KLF8: variants seen among roughly 807,000 people sequenced by gnomAD.
KLF8 encodes Krueppel-like factor 8.
KLF8 carries 10 observed loss-of-function variants against 18.2 expected under a neutral mutation model. That is an observed-to-expected ratio of 0.55 (90% CI 0.34 to 0.93). The LOEUF (loss-of-function observed/expected upper bound fraction) is 0.93, where lower values mean the gene tolerates loss of function less well. Ranked by LOEUF, KLF8 falls within the 40% of genes least tolerant of loss-of-function variation. The probability of loss-of-function intolerance (pLI) is 0.02; values close to 1 mark genes in which losing one functional copy is unlikely to be tolerated. For synonymous variants in KLF8, 109 were observed against 97.3 expected, an observed-to-expected ratio of 1.12 and a Z score of -0.71; for missense variants, 264 against 277.9, an observed-to-expected ratio of 0.95 and a Z score of 0.36.
chrX:56,097,104 A>C, the KLF8 span, among the ~76,000 whole-genome samples: 2 of 111,890 alleles, frequency 1.8e-5, no homozygotes, highest in East Asian at 5.6e-4. Context: ...ATTATACTAC[A>C]CAAACAACTG....
At chrX:56,122,093 C>T in the KLF8 span, among the ~76,000 whole-genome samples, 1 of 111,637 alleles carries the variant, frequency 9.0e-6, no homozygotes, top group African/African-American at 3.3e-5. Flanking sequence ...ATGAAACACT[C>T]ACTAGGACAT....
chrX:55,928,676 C>T, the KLF8 span, among the ~76,000 whole-genome samples: 1 of 111,772 alleles, frequency 8.9e-6, no homozygotes, highest in Non-Finnish European at 1.9e-5. Flanking sequence ...TGGCTTCATC[C>T]ATGTCCCTGC....
chrX:56,142,752 C>G, the KLF8 span, among the ~76,000 whole-genome samples: 2 of 111,693 alleles, frequency 1.8e-5, no homozygotes, highest in African/African-American at 6.5e-5. Flanking sequence ...ACAATTCCAT[C>G]TTTTCATTTG....
At chrX:55,951,736 A>G in the KLF8 span, among the ~76,000 whole-genome samples, 1 of 109,538 alleles carries the variant, frequency 9.1e-6, no homozygotes, top group Admixed American at 9.8e-5. Context: ...TCTGGTAAAT[A>G]TATATATATA....
the KLF8 span, among the ~76,000 whole-genome samples, chrX:56,093,196 C>T: frequency 1.8e-5 from 2 of 111,064 alleles, no homozygotes; most frequent in Non-Finnish European, 3.8e-5. Flanking sequence ...ATCCAGGTAG[C>T]TCTTAGAACA....
the KLF8 span, among the ~76,000 whole-genome samples, chrX:56,050,762 T>G: frequency 3.6e-5 from 4 of 111,713 alleles, no homozygotes; most frequent in African/African-American, 6.5e-5. Context: ...GTGGTGGAGT[T>G]TTCTGTAGAT....
chrX:56,193,715 A>T, the KLF8 span, among the ~76,000 whole-genome samples: 53 of 112,144 alleles, frequency 4.7e-4, no homozygotes, highest in South Asian at 1.5e-3. Flanking sequence ...TAAGCCAAGC[A>T]CAGAAACACA....
the KLF8 span, among the ~76,000 whole-genome samples, chrX:56,124,240 C>T: frequency 2.7e-5 from 3 of 111,466 alleles, no homozygotes; most frequent in African/African-American, 6.5e-5. Flanking sequence ...CTTACATTTC[C>T]CCACTAGAAT....
At chrX:56,261,294 T>C (rs999175431) in intron 2 of KLF8, among the ~76,000 whole-genome samples, 1 of 111,772 alleles carries the variant, frequency 8.9e-6, no homozygotes, top group South Asian at 3.7e-4. Context: ...AGTTTCTTTG[T>C]TTTCTTTCAT....
chrX:55,937,036 C>T, the KLF8 span, among the ~76,000 whole-genome samples: 1 of 111,488 alleles, frequency 9.0e-6, no homozygotes, highest in African/African-American at 3.3e-5. Context: ...GTGGCTCTCC[C>T]AGCATGCAGC....
At chrX:56,066,116 C>T in the KLF8 span, among the ~76,000 whole-genome samples, 1 of 111,852 alleles carries the variant, frequency 8.9e-6, no homozygotes, top group South Asian at 3.7e-4. Context: ...AAGGGCAGAA[C>T]AACACTCTGG....
the KLF8 span, among the ~76,000 whole-genome samples, chrX:56,008,137 T>TATATATATATATATATATAC: frequency 6.6e-5 from 7 of 106,447 alleles, no homozygotes; most frequent in African/African-American, 2.5e-4. Flanking sequence ...TATATATATA[T>TATATATATATATATATATAC]ACACACACAA....
At chrX:56,121,110 C>T in the KLF8 span, among the ~76,000 whole-genome samples, 4 of 101,136 alleles carry the variant, frequency 4.0e-5, no homozygotes, top group Admixed American at 1.1e-4. Context: ...GGCGTGAACC[C>T]GGGAGGCGGA....
rs975851064 is a variant in KLF8 at position 56,284,645 on chromosome X, T to C, written c.*151T>C. On this transcript the variant is annotated 3_prime_UTR_variant, in exon 6 of 6. Transcript: ENST00000468660. ...TGAGGAGACTGGAGGAAAAGAGAGCTGGTCTCCCGTGGGGCTCTTCATATT... is the reference window on the plus strand; with the variant it reads ...TGAGGAGACTGGAGGAAAAGAGAGCCGGTCTCCCGTGGGGCTCTTCATATT... 24 of 397,435 alleles carry C rather than the reference T, an allele frequency of 6.0e-5. No homozygotes were observed. Among genetic ancestry groups the C allele is most frequent in the African/African-American group, 5.5e-4 (21 of 38,437 alleles). 32.8% of individuals were successfully genotyped at this position (397,435 alleles called of 1,213,427 possible). A position where few individuals can be genotyped will look rare whatever the true frequency, so the allele number is the denominator to read the frequency against.
At chrX:56,030,743 G>A in the KLF8 span, among the ~76,000 whole-genome samples, 53 of 107,522 alleles carry the variant, frequency 4.9e-4, no homozygotes, top group Admixed American at 1.2e-3. Flanking sequence ...TCTCTGCTTG[G>A]TAAGGGAGGG....
At chrX:56,187,862 C>T in the KLF8 span, among the ~76,000 whole-genome samples, 41 of 111,645 alleles carry the variant, frequency 3.7e-4, no homozygotes, top group Middle Eastern at 4.6e-3. Context: ...TAGGTATTGA[C>T]AGGACGTATC....
chrX:56,225,754 C>T, the KLF8 span, among the ~76,000 whole-genome samples: 1 of 112,095 alleles, frequency 8.9e-6, no homozygotes, highest in African/African-American at 3.2e-5. Context: ...AGCCGAGGCC[C>T]AGATAGGTTA....
the KLF8 span, among the ~76,000 whole-genome samples, chrX:56,212,024 C>A: frequency 9.0e-6 from 1 of 111,290 alleles, no homozygotes; most frequent in South Asian, 3.8e-4. Flanking sequence ...CTTCATTTAG[C>A]AAGTGATAAA....
At chrX:56,276,167 G>A (rs1334733424) in intron 5 of KLF8, among the ~76,000 whole-genome samples, 2 of 104,781 alleles carry the variant, frequency 1.9e-5, no homozygotes, top group African/African-American at 7.0e-5. Flanking sequence ...CCGAAACCAA[G>A]TCTCACTCTG....
Sources: allele counts gnomAD v4.1 joint callset (sites outside exome capture counted in the v4.1 genomes callset), GRCh38; gene constraint gnomAD v4.1.1; transcripts MANE v1.5; gene names NCBI Gene and HGNC (gene_info 2026-07-23, HGNC 2026-07-21).